NAA35: variants seen among roughly 807,000 people sequenced by gnomAD.
NAA35 encodes MAK10 homolog, amino-acid N-acetyltransferase subunit.
NAA35 carries 18 observed loss-of-function variants against 101.7 expected under a neutral mutation model. The observed-to-expected ratio is 0.18, with a 90% CI of 0.12 to 0.26. NAA35 has a LOEUF of 0.26. NAA35 is among the 10% of genes least tolerant of loss of function. The pLI is 1.00. For synonymous variants in NAA35, 267 were observed against 273.1 expected, an observed-to-expected ratio of 0.98 and a Z score of 0.22; for missense variants, 601 against 886.8, an observed-to-expected ratio of 0.68 and a Z score of 4.09.
chr9:85,966,693 T>A (rs1038461871), intron 6 of NAA35: 1 of 1,193,556 alleles, frequency 8.4e-7, no homozygotes, highest in Admixed American at 2.4e-5. Flanking sequence ...ACACTTCTGT[T>A]TTTACTAGTA....
intron 8 of NAA35, among the ~76,000 whole-genome samples, chr9:85,976,275 T>A (rs541260331): frequency 7.9e-5 from 12 of 152,218 alleles, no homozygotes; most frequent in Non-Finnish European, 1.5e-4. Flanking sequence ...GTAAAATGGA[T>A]CGGTATTGAC....
chr9:85,962,662 A>G (rs986900407), intron 6 of NAA35, among the ~76,000 whole-genome samples: 1 of 152,190 alleles, frequency 6.6e-6, no homozygotes, highest in Non-Finnish European at 1.5e-5. Flanking sequence ...TGGGTAAAGT[A>G]ATTCAGTTCT....
intron 11 of NAA35, among the ~76,000 whole-genome samples, chr9:85,996,047 C>A (rs1831141250): frequency 6.6e-6 from 1 of 152,110 alleles, no homozygotes. Flanking sequence ...CCTTTCTTCA[C>A]AATCTCATGG....
Position 86,018,406 on chromosome 9 carries a change from T to G in NAA35, c.1914+11T>G. 1 of 1,601,784 alleles carries G rather than the reference T, an allele frequency of 6.2e-7. No homozygotes were observed. The highest frequency in any genetic ancestry group is 8.5e-7 in the Non-Finnish European group (1 of 1,171,962). On this transcript the variant is annotated intron_variant, in intron 20 of 22. Coordinates refer to ENST00000361671, the MANE Select transcript of NAA35 (RefSeq NM_024635.4). ...TACTTACAGTTCAAGGTGAACCTGC[T>G]CAATGAACTTGTTATGAAATCTTTA...
chr9:85,962,519 AAG>A (rs1255468789), intron 6 of NAA35, among the ~76,000 whole-genome samples: 17 of 149,948 alleles, frequency 1.1e-4, no homozygotes, highest in African/African-American at 3.4e-4. Context: ...AGAAAGAAAA[AAG>A]AATTTCTGAA....
At position 85,990,342 on chromosome 9, in the gene NAA35, A is replaced by G. The variant is rs533334572; in HGVS notation, c.878-6057A>G. ...AGGCCCCATCTCTCAACACTGTTGT[A>G]CTGGCAATTAAACTTCAACTTGAAT... is the stretch of plus-strand genomic sequence containing the variant. On this transcript the variant is annotated intron_variant, in intron 11 of 22. Coordinates refer to ENST00000361671, the MANE Select transcript of NAA35 (RefSeq NM_024635.4). 2.3e-4 allele frequency among the ~76,000 whole-genome samples: 35 copies of G among 152,340 alleles called. No individual in the cohort carries two copies. In the South Asian group the frequency reaches 4.1e-3, roughly 18 times the overall value.
chr9:85,941,485 C>T, intron 1 of NAA35: 2 of 985,486 alleles, frequency 2.0e-6, no homozygotes, highest in Non-Finnish European at 2.4e-6. Flanking sequence ...GACGACCCGG[C>T]GCCGGACGTG....
intron 2 of NAA35, among the ~76,000 whole-genome samples, chr9:85,953,618 G>C (rs1829116731): frequency 6.6e-6 from 1 of 152,006 alleles, no homozygotes; most frequent in Admixed American, 6.6e-5. Flanking sequence ...TGGTAGAGAT[G>C]GGGTTTCACC....
At chr9:85,988,130 A>G (rs988648493) in intron 11 of NAA35, among the ~76,000 whole-genome samples, 18 of 152,216 alleles carry the variant, frequency 1.2e-4, no homozygotes, top group African/African-American at 2.4e-4. Flanking sequence ...AGGAAAGTCA[A>G]TGAGGCCTCC....
intron 13 of NAA35, 118 bp downstream of exon 13, chr9:86,003,762 G>T: frequency 5.5e-6 from 3 of 540,598 alleles, no homozygotes; most frequent in South Asian, 4.0e-5. Context: ...TTAGTGTTGT[G>T]TATTTTTTTT....
At chr9:85,955,275 A>C (rs910928486) in intron 2 of NAA35, among the ~76,000 whole-genome samples, 1 of 148,622 alleles carries the variant, frequency 6.7e-6, no homozygotes, top group African/African-American at 2.5e-5. Context: ...GATTGGCTAA[A>C]GTTCTATAAA....
At chr9:85,963,263 C>CT (rs527736196) in intron 6 of NAA35, among the ~76,000 whole-genome samples, 2,896 of 71,838 alleles carry the variant, frequency 0.04, 21 homozygotes, top group Non-Finnish European at 0.048. Flanking sequence ...GAAGGTATGG[C>CT]TTTTTTTTTT....
chr9:85,972,794 G>A (rs191914424), intron 6 of NAA35, among the ~76,000 whole-genome samples: 2 of 152,140 alleles, frequency 1.3e-5, no homozygotes, highest in African/African-American at 4.8e-5. Flanking sequence ...TAAGTCATTC[G>A]TTGAACACAT....
At chr9:85,951,159 C>T (rs2118289969) in intron 2 of NAA35, among the ~76,000 whole-genome samples, 1 of 151,346 alleles carries the variant, frequency 6.6e-6, no homozygotes, top group East Asian at 1.9e-4. Flanking sequence ...AAAATGATAA[C>T]CCGTTGCATG....
chr9:86,004,524 A>C (rs2118344733), intron 13 of NAA35, among the ~76,000 whole-genome samples: 1 of 152,334 alleles, frequency 6.6e-6, no homozygotes, highest in African/African-American at 2.4e-5. Context: ...CACTGTATGA[A>C]ACCAGAAAAA....
At chr9:85,975,420 C>T (rs1830170259) in intron 8 of NAA35, among the ~76,000 whole-genome samples, 1 of 152,078 alleles carries the variant, frequency 6.6e-6, no homozygotes, top group African/African-American at 2.4e-5. Flanking sequence ...GCACTGGTTC[C>T]AGGACCCCTG....
At position 85,941,154 on chromosome 9, in the gene NAA35, G is replaced by A. The variant is rs1587540563; in HGVS notation, c.-125G>A. 1.0e-6 allele frequency: 1 copy of A among 986,040 alleles called. No individual in the cohort carries two copies. Among genetic ancestry groups the A allele is most frequent in the Non-Finnish European group, 1.2e-6 (1 of 830,284 alleles). The allele number at this position is 986,040 out of a possible 1,614,324, so 61.1% of individuals were successfully genotyped here. ...GGTCGCGCGTCCCGGGCATACGCAT[G>A]CGTGCACGCTGCCGGTCGGGCTGGG... On this transcript the variant is annotated 5_prime_UTR_variant, in exon 1 of 23. The change abolishes an upstream ATG in the 5' untranslated region. Coordinates refer to ENST00000361671, the MANE Select transcript of NAA35 (RefSeq NM_024635.4).
At chr9:85,978,589 A>G (rs967178543) in intron 11 of NAA35, among the ~76,000 whole-genome samples, 2 of 152,162 alleles carry the variant, frequency 1.3e-5, no homozygotes, top group Admixed American at 6.6e-5. Context: ...GTATATTACT[A>G]TTTAGACTTG....
intron 6 of NAA35, among the ~76,000 whole-genome samples, chr9:85,963,389 G>A (rs1028940379): frequency 6.7e-6 from 1 of 149,386 alleles, no homozygotes. Flanking sequence ...TTGTGCCTCA[G>A]CCTCCCGGGT....
Sources: allele counts gnomAD v4.1 joint callset (sites outside exome capture counted in the v4.1 genomes callset), GRCh38; gene constraint gnomAD v4.1.1; transcripts MANE v1.5; gene names NCBI Gene and HGNC (gene_info 2026-07-23, HGNC 2026-07-21).